SH2D6: variants seen among roughly 807,000 people sequenced by gnomAD.
SH2D6 encodes SH2 domain containing 6.
SH2D6 carries 31 observed loss-of-function variants against 30.2 expected under a neutral mutation model. That is an observed-to-expected ratio of 1.03 (90% confidence interval 0.77 to 1.38). The LOEUF (loss-of-function observed/expected upper bound fraction) is 1.38, where lower values mean the gene tolerates loss of function less well. Ranked by LOEUF, SH2D6 falls within the 40% of genes most tolerant of loss-of-function variation. SH2D6 has a pLI of 0.00. For synonymous variants in SH2D6, 93 were observed against 104.6 expected (o/e 0.89, Z 0.68); for missense variants, 240 against 266.8 (o/e 0.90, Z 0.70).
chr2:85,436,594 A>G lies in SH2D6; in HGVS notation c.*12A>G. ...CCACCAAGCCTTGAGGCCACAGCGA[A>G]GTACACACCGCCTTTGGCCCCAGTT... On this transcript the variant is annotated splice_region_variant and 3_prime_UTR_variant, in exon 23 of 24. Coordinates refer to ENST00000469800, the MANE Select transcript of SH2D6 (RefSeq NM_001394463.1). The G allele has an allele frequency of 6.2e-7, 1 of 1,609,870 alleles. No individual in the cohort carries two copies. Among genetic ancestry groups the G allele is most frequent in the Non-Finnish European group, 8.5e-7 (1 of 1,176,472 alleles).
chr2:85,434,916 G>A, intron 19 of SH2D6, 149 bp from the exon 20 acceptor site: 1 of 1,596,158 alleles, frequency 6.3e-7, no homozygotes, highest in South Asian at 1.1e-5. Flanking sequence ...GATCTGGAGA[G>A]TGGAGGAAGC....
In SH2D6 at chr2:85,425,202, G is replaced by A. The variant is rs1687941169; in HGVS notation, c.-308-106G>A. On this transcript the variant is annotated intron_variant, in intron 5 of 23. Transcript: ENST00000469800. ...GTTTGAGTTTCTTGGCATCCATTTG[G>A]TGATCCCACTGACTCTGAGGTTTCA... The A allele has an allele frequency of 1.3e-5, 2 of 151,114 alleles. 1 individual carries two copies. The highest frequency in any genetic ancestry group is 4.2e-4 in the South Asian group (2 of 4,776). The allele number at this position is 151,114 out of a possible 1,614,324, so 9.4% of individuals were successfully genotyped here. A position where few individuals can be genotyped will look rare whatever the true frequency, so the allele number is the denominator to read the frequency against.
intron 15 of SH2D6, 123 bp downstream of exon 15, chr2:85,433,244 A>AG: frequency 1.4e-6 from 1 of 714,778 alleles, no homozygotes; most frequent in Non-Finnish European, 1.7e-6. Flanking sequence ...GGCCCAGAGC[A>AG]GGGCCCCTGC....
In SH2D6 at chr2:85,422,505, G is replaced by C. The variant is rs114028551; in HGVS notation, c.-404+15G>C. Reference sequence around the variant, plus strand: ...AGAGAGAGAAGGTGAGTGTGAGGGAGTCCCTGGGAAACAATGGAGGGACTG... The same window carrying C: ...AGAGAGAGAAGGTGAGTGTGAGGGACTCCCTGGGAAACAATGGAGGGACTG... On this transcript the variant is annotated intron_variant, in intron 4 of 23. Transcript: ENST00000469800. 3,372 of 152,384 alleles carry C rather than the reference G, an allele frequency of 0.022. 66 individuals carry two copies. The highest frequency in any genetic ancestry group is 0.052 in the African/African-American group (2,146 of 41,542). The allele number at this position is 152,384 out of a possible 1,614,324, so 9.4% of individuals were successfully genotyped here.
chr2:85,420,291 C>T (rs55857890), intron 2 of SH2D6, among the ~76,000 whole-genome samples: 4,044 of 152,090 alleles, frequency 0.027, 66 homozygotes, highest in South Asian at 0.042. Flanking sequence ...GGCTAATTTT[C>T]GTATTTTTAG....
chr2:85,423,377 G>A (rs1381073595), intron 5 of SH2D6, among the ~76,000 whole-genome samples: 8 of 151,882 alleles, frequency 5.3e-5, no homozygotes, highest in African/African-American at 9.7e-5. Context: ...GATTATAGGC[G>A]TGTGCTATCA....
chr2:85,435,028 C>T (rs772513464), intron 19 of SH2D6, 37 bp from the exon 20 acceptor site: 1 of 1,543,126 alleles, frequency 6.5e-7, no homozygotes, highest in South Asian at 1.2e-5. Flanking sequence ...CCCACCCCAC[C>T]CCACCCCACC....
chr2:85,423,201 G>A (rs1387838190), intron 5 of SH2D6, among the ~76,000 whole-genome samples: 1 of 151,146 alleles, frequency 6.6e-6, no homozygotes, highest in East Asian at 2.0e-4. Context: ...TTTTTTTTTT[G>A]TTGTTGTTGT....
At chr2:85,424,563 C>T (rs1021336461) in intron 5 of SH2D6, among the ~76,000 whole-genome samples, 1 of 152,000 alleles carries the variant, frequency 6.6e-6, no homozygotes, top group Admixed American at 6.6e-5. Flanking sequence ...CATCCTGGGC[C>T]ACATAGCAAG....
rs1644132830 is a variant in SH2D6, at chr2:85,430,549, GGAC to G, written c.150_152del (p.Asp50del). 6.5e-6 allele frequency: 1 copy of G among 153,166 alleles called. No homozygotes were observed. Among genetic ancestry groups the G allele is most frequent in the African/African-American group, 2.4e-5 (1 of 41,428 alleles). 9.5% of individuals were successfully genotyped at this position (153,166 alleles called of 1,614,324 possible). A position where few individuals can be genotyped will look rare whatever the true frequency, so the allele number is the denominator to read the frequency against. On this transcript the variant is annotated inframe_deletion, in exon 12 of 24. Transcript: ENST00000469800. The surrounding 1 kb of genome is among the most constrained non-coding windows in gnomAD (Gnocchi z 4.3). ...ATCCCTTCCTCCAGGCCCAGGAGGA[GGAC>G]GAGGAGGAAAATAAGTATGAGCTGC...
At chr2:85,426,289 G>T (rs1241311915) in intron 6 of SH2D6, among the ~76,000 whole-genome samples, 2 of 152,208 alleles carry the variant, frequency 1.3e-5, no homozygotes, top group Non-Finnish European at 2.9e-5. Flanking sequence ...TCTTCCATAT[G>T]TAGGTTTTCG....
chr2:85,426,195 A>G (rs1454430537), intron 6 of SH2D6, among the ~76,000 whole-genome samples: 1 of 151,976 alleles, frequency 6.6e-6, no homozygotes. Context: ...CCTCCTTGCA[A>G]TGAATCCCAC....
Position 85,430,970 on chromosome 2 carries a change from T to C in SH2D6, c.251-240T>C, listed in dbSNP as rs1558758230. On this transcript the variant is annotated intron_variant, in intron 12 of 23. Coordinates refer to ENST00000469800, the MANE Select transcript of SH2D6 (RefSeq NM_001394463.1). This position sits in a 1 kb window ranked among gnomAD's most constrained non-coding sequence, Gnocchi z 4.3. Reference sequence around the variant, plus strand: ...CACTTCTTCAGGCCAAGGGCGGGGGTGCTGGGAGAGCCCCGGCTGCCGCTG... The same window carrying C: ...CACTTCTTCAGGCCAAGGGCGGGGGCGCTGGGAGAGCCCCGGCTGCCGCTG... Among the ~76,000 whole-genome samples, 1 of 152,026 alleles carries C rather than the reference T, an allele frequency of 6.6e-6. No homozygotes were observed. Among genetic ancestry groups the C allele is most frequent in the Non-Finnish European group, 1.5e-5 (1 of 67,974 alleles).
chr2:85,435,562 G>A (rs1439230937), intron 21 of SH2D6, 66 bp downstream of exon 21: 11 of 1,592,150 alleles, frequency 6.9e-6, no homozygotes, highest in Non-Finnish European at 8.6e-6. Flanking sequence ...GGCTGGCCGA[G>A]CAGTGGGGAG....
chr2:85,430,645 G>A lies in SH2D6; in HGVS notation c.243G>A (p.Leu81=), dbSNP rs1194567237. Residue 81 remains leucine (L), a synonymous_variant, in exon 12 of 24, where the codon TTG becomes TTA. Transcript: ENST00000469800. The surrounding 1 kb of genome is among the most constrained non-coding windows in gnomAD (Gnocchi z 4.3). ...TTCCTGGCACTGAGGAGGACTCCTT[G>A]TACCTGGGTGAGGGCTAGGAGGTGG... ...AHLPGTEEDS[L]YLDHSGPLGP... The A allele has an allele frequency of 1.3e-5, 2 of 153,164 alleles. No homozygotes were observed. Among genetic ancestry groups the A allele is most frequent in the Non-Finnish European group, 2.9e-5 (2 of 68,442 alleles). 9.5% of individuals were successfully genotyped at this position (153,164 alleles called of 1,614,324 possible).
At chr2:85,433,265 C>T in intron 15 of SH2D6, 144 bp downstream of exon 15, 1 of 561,724 alleles carries the variant, frequency 1.8e-6, no homozygotes, top group Non-Finnish European at 2.3e-6. Flanking sequence ...CCCTCAGCCA[C>T]AGGCCCCTGG....
chr2:85,427,666 T>G (rs954773239), intron 6 of SH2D6, among the ~76,000 whole-genome samples: 10 of 152,228 alleles, frequency 6.6e-5, no homozygotes, highest in African/African-American at 1.7e-4. Context: ...GTGAGGGAAG[T>G]TGCCGCCTGC....
chr2:85,426,384 C>G (rs1688054820), intron 6 of SH2D6, among the ~76,000 whole-genome samples: 1 of 152,184 alleles, frequency 6.6e-6, no homozygotes, highest in Non-Finnish European at 1.5e-5. Flanking sequence ...CAGGAGCAGG[C>G]CTTGGGGAAA....
intron 6 of SH2D6, among the ~76,000 whole-genome samples, chr2:85,426,765 A>C (rs940406368): frequency 1.3e-5 from 2 of 152,234 alleles, no homozygotes; most frequent in Non-Finnish European, 2.9e-5. Flanking sequence ...TGCTCCAGCA[A>C]ATTAATCAAA....
Sources: gnomAD v4.1 joint callset for allele counts (sites outside exome capture counted in the v4.1 genomes callset) on GRCh38, gnomAD v4.1.1 for gene constraint, Gnocchi (gnomAD v3.1) non-coding constraint, MANE v1.5 for transcripts, NCBI Gene and HGNC (gene_info 2026-07-23, HGNC 2026-07-21) for gene names.